The following MALRD1 variants were observed in gnomAD, a reference collection of about 807,000 sequenced individuals.
MALRD1 encodes MAM and LDL-receptor class A domain-containing protein 1.
MALRD1 carries 247 observed loss-of-function variants against 242.1 expected under a neutral mutation model. The ratio of observed to expected loss-of-function variants is 1.02; its 90% CI spans 0.92 to 1.13. The LOEUF (loss-of-function observed/expected upper bound fraction) is 1.13. Among genes scored for constraint, MALRD1 ranks in the 50% most tolerant of loss-of-function variants. MALRD1 has a pLI of 0.00. For synonymous variants in MALRD1, 995 were observed against 866.6 expected (o/e 1.15, Z -2.60); for missense variants, 2,989 against 2,533.1 (o/e 1.18, Z -3.86).
At chr10:19,244,357 G>A (rs77800939) in intron 18 of MALRD1, among the ~76,000 whole-genome samples, 1,758 of 152,180 alleles carry the variant, frequency 0.012, 36 homozygotes, top group African/African-American at 0.04. Flanking sequence ...TGGATTGCTT[G>A]AGTCTTGGAG....
chr10:19,144,220 G>A (rs1833648670), intron 10 of MALRD1, among the ~76,000 whole-genome samples: 2 of 152,116 alleles, frequency 1.3e-5, no homozygotes, highest in African/African-American at 4.8e-5. Flanking sequence ...AAAATCTATG[G>A]ATGCTCAAGT....
intron 36 of MALRD1, among the ~76,000 whole-genome samples, chr10:19,623,428 T>C (rs1479155059): frequency 6.6e-6 from 1 of 152,118 alleles, no homozygotes; most frequent in East Asian, 1.9e-4. Flanking sequence ...TGTATAGATA[T>C]ATAAGCAAAG....
chr10:19,726,320 A>G (rs58334588), intron 38 of MALRD1, among the ~76,000 whole-genome samples: 4,388 of 152,310 alleles, frequency 0.029, 207 homozygotes, highest in African/African-American at 0.093. Context: ...AGAAGATTAC[A>G]TATAGTTGAA....
At chr10:19,099,759 A>AT (rs147863650) in intron 4 of MALRD1, among the ~76,000 whole-genome samples, 1,709 of 96,748 alleles carry the variant, frequency 0.018, 35 homozygotes, top group African/African-American at 0.076. Flanking sequence ...CTATATATAT[A>AT]TATATTTTTT....
chr10:19,607,933 A>ATATG, intron 35 of MALRD1, 31 bp downstream of exon 35: 1 of 1,546,662 alleles, frequency 6.5e-7, no homozygotes. Context: ...TATTCTTGTG[A>ATATG]TATGAACCAG....
chr10:19,477,039 C>G (rs562722480), intron 29 of MALRD1, among the ~76,000 whole-genome samples: 4 of 152,138 alleles, frequency 2.6e-5, no homozygotes, highest in African/African-American at 7.2e-5. Flanking sequence ...CTATATAATT[C>G]TTGATTTTTT....
At chr10:19,223,184 T>C (rs1254155070) in intron 18 of MALRD1, among the ~76,000 whole-genome samples, 1 of 152,112 alleles carries the variant, frequency 6.6e-6, no homozygotes, top group African/African-American at 2.4e-5. Context: ...AATATTGTAG[T>C]TGATTATTAT....
chr10:19,085,404 A>C (rs1342534964), intron 2 of MALRD1, among the ~76,000 whole-genome samples: 1 of 152,012 alleles, frequency 6.6e-6, no homozygotes, highest in Non-Finnish European at 1.5e-5. Flanking sequence ...CACACTAAAA[A>C]AAATTGTGAT....
intron 32 of MALRD1, among the ~76,000 whole-genome samples, chr10:19,559,890 A>C (rs1835888993): frequency 6.6e-6 from 1 of 152,214 alleles, no homozygotes; most frequent in African/African-American, 2.4e-5. Flanking sequence ...TATGAAAAAA[A>C]GCTCATCATC....
chr10:19,254,006 C>T (rs976669936), intron 18 of MALRD1, among the ~76,000 whole-genome samples: 2 of 151,932 alleles, frequency 1.3e-5, no homozygotes, highest in Non-Finnish European at 2.9e-5. Flanking sequence ...TCTCCTGTCA[C>T]CATGTGAAGA....
intron 28 of MALRD1, among the ~76,000 whole-genome samples, chr10:19,434,759 G>A (rs1339515343): frequency 1.3e-5 from 2 of 151,772 alleles, no homozygotes; most frequent in African/African-American, 4.8e-5. Flanking sequence ...ATAAATCTGG[G>A]TCTTCATGGC....
intron 29 of MALRD1, among the ~76,000 whole-genome samples, chr10:19,479,141 A>G (rs1429663310): frequency 1.3e-5 from 2 of 152,226 alleles, no homozygotes; most frequent in Non-Finnish European, 2.9e-5. Context: ...AGTATTGAGT[A>G]TATAGTGATG....
chr10:19,404,838 A>G (rs1045352659), intron 28 of MALRD1, among the ~76,000 whole-genome samples: 5 of 152,190 alleles, frequency 3.3e-5, no homozygotes, highest in Admixed American at 2.0e-4. Context: ...TATACATAAC[A>G]GAGTACTGGA....
At chr10:19,228,131 C>A (rs578012094) in intron 18 of MALRD1, among the ~76,000 whole-genome samples, 1 of 151,690 alleles carries the variant, frequency 6.6e-6, no homozygotes, top group Non-Finnish European at 1.5e-5. Context: ...ATATCCGTAC[C>A]AAGCCTCATC....
At chr10:19,661,931 A>G (rs2131735115) in intron 36 of MALRD1, among the ~76,000 whole-genome samples, 1 of 152,302 alleles carries the variant, frequency 6.6e-6, no homozygotes. Flanking sequence ...ACCATGGCTA[A>G]CACCTAGATG....
rs1840243901 is a variant in MALRD1, at chr10:19,638,455, G to C, written c.6137+22532G>C. 2.6e-5 allele frequency among the ~76,000 whole-genome samples: 4 copies of C among 152,090 alleles called. No individual in the cohort carries two copies. In the South Asian group the frequency reaches 8.3e-4, roughly 32 times the overall value. On this transcript the variant is annotated intron_variant, in intron 36 of 39. Coordinates refer to ENST00000454679, the MANE Select transcript of MALRD1 (RefSeq NM_001142308.3). ...GTAGCAGAAGGTTTATTTTAGAAAA[G>C]AGATTTTAGAATTACTAATTGAGTA...
At chr10:19,732,281 A>C (rs1835327670) in intron 39 of MALRD1, among the ~76,000 whole-genome samples, 1 of 152,170 alleles carries the variant, frequency 6.6e-6, no homozygotes, top group Non-Finnish European at 1.5e-5. Flanking sequence ...TTATTTTTTG[A>C]GACGGAGTTT....
intron 29 of MALRD1, among the ~76,000 whole-genome samples, chr10:19,466,668 T>C (rs1836230195): frequency 6.6e-6 from 1 of 152,200 alleles, no homozygotes; most frequent in Non-Finnish European, 1.5e-5. Flanking sequence ...GAGTATTCCT[T>C]ATTGGAAATC....
intron 8 of MALRD1, among the ~76,000 whole-genome samples, chr10:19,129,431 A>C (rs1164438016): frequency 6.6e-6 from 1 of 152,088 alleles, no homozygotes; most frequent in Non-Finnish European, 1.5e-5. Flanking sequence ...CCAGGTGTGC[A>C]CCCTCTAGGA....
Sources: gnomAD v4.1 joint callset for allele counts (sites outside exome capture counted in the v4.1 genomes callset) on GRCh38, gnomAD v4.1.1 for gene constraint, MANE v1.5 for transcripts, NCBI Gene and HGNC (gene_info 2026-07-23, HGNC 2026-07-21) for gene names.